Variants in SLC25A32 observed in about 807,000 individuals in gnomAD.
SLC25A32 encodes Glycine auxotroph B, complementation of hamster.
A neutral mutation model predicts 39.0 loss-of-function variants in SLC25A32; 32 were observed. The ratio of observed to expected loss-of-function variants is 0.82; its 90% CI spans 0.62 to 1.10. The LOEUF (loss-of-function observed/expected upper bound fraction) is 1.10, where lower values mean the gene tolerates loss of function less well. SLC25A32 is among the 50% of genes least tolerant of loss of function. The probability of loss-of-function intolerance (pLI) is 0.00; values close to 1 mark genes in which losing one functional copy is unlikely to be tolerated. For missense variants in SLC25A32, 367 were observed against 395.3 expected (o/e 0.93, Z 0.61); for synonymous variants, 166 against 152.4 (o/e 1.09, Z -0.66).
rs11447002 is a variant in SLC25A32 at position 103,403,409 on chromosome 8, T to TAA, written c.392-87_392-86dup. 15,676 of 248,650 alleles carry TAA rather than the reference T, an allele frequency of 0.063. 733 individuals are homozygous for TAA. The highest frequency in any genetic ancestry group is 0.079 in the Middle Eastern group (73 of 928). The allele number at this position is 248,650 out of a possible 1,614,324, so 15.4% of individuals were successfully genotyped here. On this transcript the variant is annotated intron_variant, in intron 3 of 6. Coordinates refer to ENST00000297578, the MANE Select transcript of SLC25A32 (RefSeq NM_030780.5). ...CCAAATTAGAAACAGTACATTTATG[T>TAA]AAAAAAAAAAAAAAAAAAAAAGATA... is the stretch of plus-strand genomic sequence containing the variant.
intron 2 of SLC25A32, among the ~76,000 whole-genome samples, chr8:103,406,884 C>T (rs1348443954): frequency 6.6e-6 from 1 of 152,152 alleles, no homozygotes; most frequent in East Asian, 1.9e-4. Flanking sequence ...ATAAAATTTT[C>T]TATTTGGGAC....
chr8:103,402,079 G>T, intron 4 of SLC25A32, 25 bp from the exon 5 acceptor site: 1 of 1,499,820 alleles, frequency 6.7e-7, no homozygotes, highest in Non-Finnish European at 9.2e-7. Context: ...TTTTTAAAAA[G>T]CAAAACAACA....
chr8:103,407,221 G>A (rs1365559931), intron 2 of SLC25A32, among the ~76,000 whole-genome samples: 1 of 152,086 alleles, frequency 6.6e-6, no homozygotes, highest in Non-Finnish European at 1.5e-5. Flanking sequence ...TTTTTCAAAT[G>A]GCTTTAACTA....
intron 3 of SLC25A32, 113 bp from the exon 4 acceptor site, chr8:103,403,437 G>A (rs973945863): frequency 1.2e-5 from 7 of 597,330 alleles, no homozygotes; most frequent in Non-Finnish European, 1.9e-5. Context: ...AAAAGATAAT[G>A]CACAGGACCA....
rs915197286 is a variant in SLC25A32 at position 103,405,661 on chromosome 8, C to CT, written c.306-801dup. 1.7e-3 allele frequency among the ~76,000 whole-genome samples: 245 copies of CT among 146,348 alleles called. 1 individual carries two copies. Among genetic ancestry groups the CT allele is most frequent in the East Asian group, 6.1e-3 (31 of 5,056 alleles). ...ACGATGTCAAGTGAACACATTCTTT[C>CT]TTTTTTTTTTTATTTCAGAGACAGA... is the stretch of plus-strand genomic sequence containing the variant. On this transcript the variant is annotated intron_variant, in intron 2 of 6. Coordinates refer to ENST00000297578, the MANE Select transcript of SLC25A32 (RefSeq NM_030780.5).
chr8:103,405,785 T>A (rs1816317936), intron 2 of SLC25A32, among the ~76,000 whole-genome samples: 2 of 152,018 alleles, frequency 1.3e-5, no homozygotes, highest in South Asian at 4.1e-4. Context: ...CTCAGCCTCC[T>A]AATTAGCTAA....
Position 103,414,996 on chromosome 8 carries a change from G to C in SLC25A32, c.-59C>G. On this transcript the variant is annotated 5_prime_UTR_variant, in exon 1 of 7. Transcript: ENST00000297578. ...GGCCGCGGAGGTGGGACGCGATGCA[G>C]TGGCCGCCACCGTGGCGACGGTCGC... The C allele has an allele frequency of 6.3e-7, 1 of 1,584,580 alleles. No homozygotes were observed.
chr8:103,403,682 T>C (rs1159818433), intron 3 of SLC25A32, among the ~76,000 whole-genome samples: 1 of 152,104 alleles, frequency 6.6e-6, no homozygotes, highest in African/African-American at 2.4e-5. Flanking sequence ...ACCTTAGGTG[T>C]AGCACATGGT....
Position 103,414,794 on chromosome 8 carries a change from G to T in SLC25A32, c.144C>A (p.Ile48=). Residue 48 remains isoleucine, a synonymous_variant, in exon 1 of 7, where the codon ATC becomes ATA. Transcript: ENST00000297578. ...TGGGCGGGCTCTTACCGGCGAAGCG[G>T]ATCTTCACGAGGTCGAGCGGATGCA... The part of the protein sequence containing the change: ...LALHPLDLVK[I]RFAVSDGLEL... 6.2e-7 allele frequency: 1 copy of T among 1,613,762 alleles called. No individual in the cohort carries two copies.
At position 103,399,927 on chromosome 8, in the gene SLC25A32, T is replaced by A. The variant is rs1049981187; in HGVS notation, c.*484A>T. 1.3e-5 allele frequency: 2 copies of A among 153,178 alleles called. No homozygotes were observed. The highest frequency in any genetic ancestry group is 4.8e-5 in the African/African-American group (2 of 41,388). 9.5% of individuals were successfully genotyped at this position (153,178 alleles called of 1,614,324 possible). ...CTCAAAAAATAAATAAATAAAAAAA[T>A]AAAATAAAATGGTCTGGATTTGGTC... is the stretch of plus-strand genomic sequence containing the variant. On this transcript the variant is annotated 3_prime_UTR_variant, in exon 7 of 7. Transcript: ENST00000297578.
chr8:103,406,178 T>TCA lies in SLC25A32; in HGVS notation c.306-1319_306-1318dup, dbSNP rs765826160. 3.3e-5 allele frequency among the ~76,000 whole-genome samples: 5 copies of TCA among 151,918 alleles called. No individual in the cohort carries two copies. The East Asian group carries it at 9.7e-4, about 29-fold the overall frequency. ...AAGGGGGGTGTGTGTGTATATAGTTTCACACACACCTCTCTAAAGAGAAGA... is the reference window on the plus strand; with the variant it reads ...AAGGGGGGTGTGTGTGTATATAGTTTCACACACACACCTCTCTAAAGAGAAGA... On this transcript the variant is annotated intron_variant, in intron 2 of 6. Transcript: ENST00000297578.
Position 103,407,650 on chromosome 8 carries a change from C to A in SLC25A32, c.289G>T (p.Gly97Ter). ...TCTACTCACAAGAAAAAGTAGAGTC[C>A]CCAGGATAAACCTGCACCCCATATA... ...PNIWGAGLSW[G>*]LYFFFYNAIK... The change falls in exon 2 of 7, where the codon GGA (glycine) becomes TGA (stop). Residue 97 changes from glycine to a stop codon, truncating the protein, a stop_gained. Coordinates refer to ENST00000297578, the MANE Select transcript of SLC25A32 (RefSeq NM_030780.5). LOFTEE classifies it high-confidence loss of function. The A allele has an allele frequency of 6.3e-7, 1 of 1,590,558 alleles. No homozygotes were observed.
intron 1 of SLC25A32, among the ~76,000 whole-genome samples, chr8:103,413,755 T>G (rs1194230647): frequency 1.3e-5 from 2 of 152,202 alleles, no homozygotes; most frequent in African/African-American, 4.8e-5. Flanking sequence ...TCTTGCTTCC[T>G]CTCCAGCTGT....
At chr8:103,406,102 C>T (rs968262823) in intron 2 of SLC25A32, among the ~76,000 whole-genome samples, 1 of 149,156 alleles carries the variant, frequency 6.7e-6, no homozygotes, top group Non-Finnish European at 1.5e-5. Flanking sequence ...TATACATAAA[C>T]ATATCTATAT....
Position 103,407,972 on chromosome 8 carries a change from T to A in SLC25A32, c.155-188A>T, listed in dbSNP as rs3134255. ...ATATATATATAAATATATATATATA[T>A]AAATATGTAAAATATACATTTTTGT... On this transcript the variant is annotated intron_variant, in intron 1 of 6. Coordinates refer to ENST00000297578, the MANE Select transcript of SLC25A32 (RefSeq NM_030780.5). 0.22 allele frequency among the ~76,000 whole-genome samples: 32,715 copies of A among 146,418 alleles called. 3,812 individuals are homozygous for A. Among genetic ancestry groups the A allele is most frequent in the East Asian group, 0.35 (1,741 of 5,042 alleles).
Position 103,414,979 on chromosome 8 carries a change from A to T in SLC25A32, c.-42T>A. On this transcript the variant is annotated 5_prime_UTR_variant, in exon 1 of 7. Transcript: ENST00000297578. ...GACACCACGGCGCCCAGGGCCGCGGAGGTGGGACGCGATGCAGTGGCCGCC... is the reference window on the plus strand; with the variant it reads ...GACACCACGGCGCCCAGGGCCGCGGTGGTGGGACGCGATGCAGTGGCCGCC... The T allele has an allele frequency of 1.3e-6, 2 of 1,580,206 alleles. No homozygotes were observed. Among genetic ancestry groups the T allele is most frequent in the Non-Finnish European group, 1.7e-6 (2 of 1,162,962 alleles).
rs567748395 is a variant in SLC25A32 at position 103,414,795 on chromosome 8, A to T, written c.143T>A (p.Ile48Asn). 1.9e-6 allele frequency: 3 copies of T among 1,613,732 alleles called. No individual in the cohort carries two copies. The South Asian group carries it at 3.3e-5, about 18-fold the overall frequency. The change falls in exon 1 of 7, where the codon ATC (isoleucine) becomes AAC (asparagine). Residue 48 changes from isoleucine to asparagine, a missense_variant. Transcript: ENST00000297578. ...GGGCGGGCTCTTACCGGCGAAGCGG[A>T]TCTTCACGAGGTCGAGCGGATGCAG... ...LALHPLDLVK[I>N]RFAVSDGLEL...
At chr8:103,414,386 CA>C (rs1308381963) in intron 1 of SLC25A32, among the ~76,000 whole-genome samples, 1 of 152,166 alleles carries the variant, frequency 6.6e-6, no homozygotes, top group African/African-American at 2.4e-5. Flanking sequence ...CGCCCTATCC[CA>C]ATACTAGTCG....
Position 103,400,352 on chromosome 8 carries a change from A to C in SLC25A32, c.*59T>G. 6.3e-7 allele frequency: 1 copy of C among 1,593,916 alleles called. No homozygotes were observed. Among genetic ancestry groups the C allele is most frequent in the South Asian group, 1.1e-5 (1 of 89,068 alleles). On this transcript the variant is annotated 3_prime_UTR_variant, in exon 7 of 7. Coordinates refer to ENST00000297578, the MANE Select transcript of SLC25A32 (RefSeq NM_030780.5). Reference sequence around the variant, plus strand: ...ATGCAGAATTCTTCTTTTATGCCTTAAACACAAAAGAGCTTGTTGCTGCCT... The same window carrying C: ...ATGCAGAATTCTTCTTTTATGCCTTCAACACAAAAGAGCTTGTTGCTGCCT...
Sources: allele counts gnomAD v4.1 joint callset (sites outside exome capture counted in the v4.1 genomes callset), GRCh38; gene constraint gnomAD v4.1.1; transcripts MANE v1.5; gene names NCBI Gene and HGNC (gene_info 2026-07-23, HGNC 2026-07-21).